The following SCN1B variants were observed in gnomAD, a reference collection of about 807,000 sequenced individuals.
The protein encoded by SCN1B is sodium channel regulatory subunit beta-1.
SCN1B carries 11 observed loss-of-function variants against 25.7 expected under a neutral mutation model. That is an observed-to-expected ratio of 0.43 (90% CI 0.27 to 0.71). The LOEUF (loss-of-function observed/expected upper bound fraction) is 0.71. Among genes scored for constraint, SCN1B ranks in the 30% least tolerant of loss-of-function variants. SCN1B has a pLI of 0.21. For missense variants in SCN1B, 224 were observed against 291.5 expected, an observed-to-expected ratio of 0.77 and a Z score of 1.69; for synonymous variants, 119 against 117.5, an observed-to-expected ratio of 1.01 and a Z score of -0.08.
rs1397304967 is a variant in SCN1B at position 35,039,145 on chromosome 19, T to G, written c.477T>G (p.Ser159=). 7 of 1,613,880 alleles carry G rather than the reference T, an allele frequency of 4.3e-6. No homozygotes were observed. The highest frequency in any genetic ancestry group is 5.9e-6 in the Non-Finnish European group (7 of 1,179,726). The change falls in exon 4 of 6, where the codon TCT becomes TCG. Residue 159 remains serine, a synonymous_variant. Transcript: ENST00000262631. ...KANRDMASIV[S]EIMMYVLIVV... ...ACAGAGACATGGCATCCATCGTGTCTGAGATCATGATGTATGTGCTCATTG... is the reference window on the plus strand; with the variant it reads ...ACAGAGACATGGCATCCATCGTGTCGGAGATCATGATGTATGTGCTCATTG...
chr19:35,036,496 GC>G (rs2064248414), intron 3 of SCN1B: 1 of 151,982 alleles, frequency 6.6e-6, no homozygotes. Context: ...CTGGAGTGCA[GC>G]AGTACAATGT....
At chr19:35,036,025 C>G (rs1347712962) in intron 3 of SCN1B, 2 of 148,604 alleles carry the variant, frequency 1.3e-5, no homozygotes, top group Admixed American at 1.3e-4. Flanking sequence ...TGAGCCACTA[C>G]GCCCGGCAAT....
chr19:35,032,748 C>CGGT lies in SCN1B; in HGVS notation c.207+57_207+59dup. 1.3e-6 allele frequency: 2 copies of CGGT among 1,586,060 alleles called. No homozygotes were observed. Among genetic ancestry groups the CGGT allele is most frequent in the Non-Finnish European group, 1.7e-6 (2 of 1,159,052 alleles). On this transcript the variant is annotated intron_variant, in intron 2 of 5. Coordinates refer to ENST00000262631, the MANE Select transcript of SCN1B (RefSeq NM_001037.5). This position sits in a 1 kb window ranked among gnomAD's most constrained non-coding sequence, Gnocchi z 4.3. ...AGGGCAGGGGTCCACGAGTGGGAGGCGGTGGGGCTGGATCTCAGGGAGGGG... is the reference window on the plus strand; with the variant it reads ...AGGGCAGGGGTCCACGAGTGGGAGGCGGTGGTGGGGCTGGATCTCAGGGAGGGG...
chr19:35,035,939 G>A (rs1398784826), intron 3 of SCN1B: 1 of 151,596 alleles, frequency 6.6e-6, no homozygotes, highest in Non-Finnish European at 1.5e-5. Flanking sequence ...CGTGATCATA[G>A]CCCACTGCAG....
chr19:35,031,797 A>C (rs2151745742), intron 1 of SCN1B: 1 of 154,416 alleles, frequency 6.5e-6, no homozygotes. Flanking sequence ...GTGTGAAGGA[A>C]TTCTAAGACT....
chr19:35,039,757 C>G (rs72550238), intron 5 of SCN1B, 40 bp from the exon 6 acceptor site: 37 of 1,558,114 alleles, frequency 2.4e-5, no homozygotes, highest in Middle Eastern at 1.8e-4. Flanking sequence ...GGGCCGAAGT[C>G]CCCCAGGTCC....
rs1199753381 is a variant in SCN1B, at chr19:35,032,493, T to G, written c.41-35T>G. 1 of 1,611,348 alleles carries G rather than the reference T, an allele frequency of 6.2e-7. No individual in the cohort carries two copies. Among genetic ancestry groups the G allele is most frequent in the Admixed American group, 1.7e-5 (1 of 60,030 alleles). On this transcript the variant is annotated intron_variant, in intron 1 of 5. Transcript: ENST00000262631. The surrounding 1 kb of genome is among the most constrained non-coding windows in gnomAD (Gnocchi z 4.3). ...GTCTGGCATTGCTTAGGGCAATGGG[T>G]GCCTCTGCCTGACCTGAGCCTGCTG... is the stretch of plus-strand genomic sequence containing the variant.
intron 3 of SCN1B, chr19:35,038,812 G>C: frequency 2.2e-6 from 1 of 453,660 alleles, no homozygotes; most frequent in Non-Finnish European, 4.1e-6. Context: ...CTTGCGCAAG[G>C]TCACACAGCT....
chr19:35,034,590 G>A (rs1463136968), intron 3 of SCN1B: 1 of 172,938 alleles, frequency 5.8e-6, no homozygotes, highest in Non-Finnish European at 1.3e-5. Flanking sequence ...CCCAGGCCTT[G>A]AAGCAGCTAC....
chr19:35,035,782 A>G (rs1226772297), intron 3 of SCN1B: 1 of 152,206 alleles, frequency 6.6e-6, no homozygotes, highest in Admixed American at 6.5e-5. Context: ...ATTACCCACT[A>G]TATTATAGTA....
chr19:35,037,650 A>C (rs184374223), intron 3 of SCN1B: 38 of 152,124 alleles, frequency 2.5e-4, no homozygotes, highest in African/African-American at 9.2e-4. Context: ...AGACACATTA[A>C]TAATGTGTGT....
rs367608185 is a variant in SCN1B, at chr19:35,033,863, G to A, written c.448+124G>A. ...TGGCCAGCCAACCGCCCACAGCAGC[G>A]GGCTGAGGGGGAGGGGAGCAGCCCC... On this transcript the variant is annotated intron_variant, in intron 3 of 5. Coordinates refer to ENST00000262631, the MANE Select transcript of SCN1B (RefSeq NM_001037.5). The A allele has an allele frequency of 3.7e-6, 6 of 1,608,970 alleles. No individual in the cohort carries two copies. Among genetic ancestry groups the A allele is most frequent in the Admixed American group, 1.7e-5 (1 of 59,416 alleles).
intron 3 of SCN1B, chr19:35,036,034 AT>A (rs61618846): frequency 0.14 from 19,302 of 142,054 alleles, 1,318 homozygotes; most frequent in East Asian, 0.19. Context: ...ACGCCCGGCA[AT>A]TTTTTTTTTT....
intron 3 of SCN1B, chr19:35,038,004 G>C (rs1207010626): frequency 6.6e-6 from 1 of 150,960 alleles, no homozygotes; most frequent in Non-Finnish European, 1.5e-5. Flanking sequence ...AGGAAGGAAG[G>C]AATGAGAGGG....
intron 3 of SCN1B, 140 bp from the exon 4 acceptor site, chr19:35,038,977 G>A (rs2064265178): frequency 2.0e-6 from 2 of 1,005,242 alleles, no homozygotes; most frequent in South Asian, 2.6e-5. Context: ...CCTACCCAAG[G>A]CTGGGTATTA....
intron 3 of SCN1B, chr19:35,038,806 C>T (rs898338008): frequency 2.7e-5 from 12 of 441,626 alleles, no homozygotes; most frequent in East Asian, 4.8e-5. Context: ...GAGTCACTTG[C>T]GCAAGGTCAC....
chr19:35,035,100 C>T (rs1395341168), intron 3 of SCN1B: 1 of 152,138 alleles, frequency 6.6e-6, no homozygotes, highest in Non-Finnish European at 1.5e-5. Context: ...GCCTGCGGTA[C>T]TGGGACTTTA....
chr19:35,038,063 G>C (rs556124359), intron 3 of SCN1B: 13 of 152,052 alleles, frequency 8.5e-5, no homozygotes, highest in African/African-American at 2.9e-4. Context: ...AGGGCAGGCA[G>C]GGGGGGCATC....
chr19:35,032,701 G>A lies in SCN1B; in HGVS notation c.207+7G>A, dbSNP rs374588869. The A allele has an allele frequency of 3.7e-5, 60 of 1,613,488 alleles. No individual in the cohort carries two copies. The African/African-American group carries it at 4.7e-4, about 13-fold the overall frequency. ...CACTGAGGAGTTTGTCAAGGTGTGCGGGTGCCGGGAACGGGCATGGGAGGG... is the reference window on the plus strand; with the variant it reads ...CACTGAGGAGTTTGTCAAGGTGTGCAGGTGCCGGGAACGGGCATGGGAGGG... On this transcript the variant is annotated splice_region_variant and intron_variant, in intron 2 of 5. Transcript: ENST00000262631. The surrounding 1 kb of genome is among the most constrained non-coding windows in gnomAD (Gnocchi z 4.3).
Sources: allele counts gnomAD v4.1 joint callset, GRCh38; gene constraint gnomAD v4.1.1; non-coding constraint Gnocchi (gnomAD v3.1); transcripts MANE v1.5; gene names NCBI Gene and HGNC (gene_info 2026-07-23, HGNC 2026-07-21).